ATRNL1: variants seen among roughly 807,000 people sequenced by gnomAD.
ATRNL1 encodes attractin like 1.
A neutral mutation model predicts 182.7 loss-of-function variants in ATRNL1; 95 were observed. That is an observed-to-expected ratio of 0.52 (90% CI 0.44 to 0.62). The LOEUF (loss-of-function observed/expected upper bound fraction) is 0.62. ATRNL1 is among the 20% of genes least tolerant of loss of function. ATRNL1 has a pLI of 0.00. For missense variants in ATRNL1, 1,471 were observed against 1,679.5 expected (o/e 0.88, Z 2.17); for synonymous variants, 576 against 568.3 (o/e 1.01, Z -0.19).
intron 19 of ATRNL1, among the ~76,000 whole-genome samples, chr10:115,349,716 T>G (rs1554940689): frequency 6.6e-6 from 1 of 152,158 alleles, no homozygotes; most frequent in Non-Finnish European, 1.5e-5. Context: ...TGTTGAACAT[T>G]TTTTCATAAA....
chr10:115,719,853 C>CA (rs1368587810), intron 26 of ATRNL1, among the ~76,000 whole-genome samples: 27 of 146,062 alleles, frequency 1.8e-4, no homozygotes, highest in Non-Finnish European at 3.0e-4. Flanking sequence ...TCCACCCCCC[C>CA]ACACACTCTT....
rs575804227 is a variant in ATRNL1 at position 115,817,228 on chromosome 10, A to G, written c.3904-30649A>G. Among the ~76,000 whole-genome samples the G allele has an allele frequency of 9.2e-5, 14 of 152,176 alleles. No individual in the cohort carries two copies. In the South Asian group the frequency reaches 2.9e-3, roughly 32 times the overall value. ...TGGTCGGATTTGAATGACCAAGAACATAGGTTTTCCTTGATTCTTTGAATT... is the reference window on the plus strand; with the variant it reads ...TGGTCGGATTTGAATGACCAAGAACGTAGGTTTTCCTTGATTCTTTGAATT... On this transcript the variant is annotated intron_variant, in intron 27 of 28. Transcript: ENST00000355044.
At chr10:115,284,476 C>T (rs557390367) in intron 14 of ATRNL1, among the ~76,000 whole-genome samples, 1 of 152,230 alleles carries the variant, frequency 6.6e-6, no homozygotes, top group East Asian at 1.9e-4. Context: ...AACTGAAAAC[C>T]AGGGCATGCT....
intron 25 of ATRNL1, among the ~76,000 whole-genome samples, chr10:115,528,034 CTTT>C (rs1851345260): frequency 9.4e-5 from 5 of 53,080 alleles, no homozygotes; most frequent in African/African-American, 3.1e-4. Context: ...TCCCTCCTTC[CTTT>C]CTTCCTTCCT....
At chr10:115,215,367 C>G (rs537928130) in intron 8 of ATRNL1, among the ~76,000 whole-genome samples, 30 of 152,130 alleles carry the variant, frequency 2.0e-4, no homozygotes, top group African/African-American at 7.2e-4. Flanking sequence ...ATAGTAGGCT[C>G]TCAAAATATT....
In ATRNL1 at chr10:115,947,604, T is replaced by C. The variant is rs1038946457; in HGVS notation, c.*2825T>C. On this transcript the variant is annotated 3_prime_UTR_variant, in exon 29 of 29. Coordinates refer to ENST00000355044, the MANE Select transcript of ATRNL1 (RefSeq NM_207303.4). ...AATTTGTTTTAGTGATACACAGAGA[T>C]GCCGTATACTATAGTGTTATGTTCA... is the stretch of plus-strand genomic sequence containing the variant. 3.3e-5 allele frequency: 5 copies of C among 152,656 alleles called. No individual in the cohort carries two copies. Among genetic ancestry groups the C allele is most frequent in the Non-Finnish European group, 5.9e-5 (4 of 68,038 alleles). The allele number at this position is 152,656 out of a possible 1,614,324, so 9.5% of individuals were successfully genotyped here.
At chr10:115,465,591 A>G (rs1449925408) in intron 22 of ATRNL1, among the ~76,000 whole-genome samples, 1 of 130,594 alleles carries the variant, frequency 7.7e-6, no homozygotes, top group Non-Finnish European at 1.8e-5. Flanking sequence ...AGAATTCAGT[A>G]TTAATTGATA....
intron 26 of ATRNL1, among the ~76,000 whole-genome samples, chr10:115,683,555 T>TG (rs1224482382): frequency 7.1e-6 from 1 of 140,878 alleles, no homozygotes; most frequent in South Asian, 2.2e-4. Context: ...AGCGTTTTTT[T>TG]TTTTTTTTTG....
At chr10:115,776,347 A>C (rs1343225694) in intron 27 of ATRNL1, among the ~76,000 whole-genome samples, 1 of 152,162 alleles carries the variant, frequency 6.6e-6, no homozygotes, top group African/African-American at 2.4e-5. Context: ...GAAGAATGTG[A>C]CCTGATGAAG....
At chr10:115,522,326 C>A (rs973322648) in intron 25 of ATRNL1, among the ~76,000 whole-genome samples, 1 of 152,010 alleles carries the variant, frequency 6.6e-6, no homozygotes, top group Non-Finnish European at 1.5e-5. Flanking sequence ...GAAGAGGAAG[C>A]GGAGCTGGCA....
At chr10:115,146,213 A>G (rs190961450) in intron 5 of ATRNL1, among the ~76,000 whole-genome samples, 124 of 152,270 alleles carry the variant, frequency 8.1e-4, no homozygotes, top group Non-Finnish European at 7.5e-4. Context: ...CTTCAACATT[A>G]AAATGAATGC....
intron 28 of ATRNL1, among the ~76,000 whole-genome samples, chr10:115,932,305 C>T (rs1015598374): frequency 1.6e-4 from 24 of 152,200 alleles, no homozygotes; most frequent in African/African-American, 5.3e-4. Flanking sequence ...ACTTAGCAAA[C>T]ATCAGAGGAA....
chr10:115,168,991 T>G (rs1307950479), intron 7 of ATRNL1, among the ~76,000 whole-genome samples: 1 of 150,994 alleles, frequency 6.6e-6, no homozygotes. Flanking sequence ...AAGTTTTGTA[T>G]ATAGTATGCA....
rs1554979950 is a variant in ATRNL1, at chr10:115,500,878, C to T, written c.3655-18385C>T. Among the ~76,000 whole-genome samples the T allele has an allele frequency of 2.4e-5, 3 of 124,282 alleles. No individual in the cohort carries two copies. The Middle Eastern group carries it at 0.016, about 675-fold the overall frequency. 81.5% of individuals were successfully genotyped at this position (124,282 alleles called of 152,430 possible). On this transcript the variant is annotated intron_variant, in intron 24 of 28. Transcript: ENST00000355044. ...TTTTTTATGTAGGCTTTTAAATTGGCTTTGATGGAACTTTGTTTCATAGCA... is the reference window on the plus strand; with the variant it reads ...TTTTTTATGTAGGCTTTTAAATTGGTTTTGATGGAACTTTGTTTCATAGCA...
At chr10:115,321,484 T>G (rs1854581538) in intron 18 of ATRNL1, among the ~76,000 whole-genome samples, 1 of 152,164 alleles carries the variant, frequency 6.6e-6, no homozygotes, top group Non-Finnish European at 1.5e-5. Flanking sequence ...ATTTGAGTCC[T>G]TTCTCTTTCT....
intron 28 of ATRNL1, among the ~76,000 whole-genome samples, chr10:115,858,509 G>A (rs1265178771): frequency 6.6e-6 from 1 of 152,166 alleles, no homozygotes; most frequent in Non-Finnish European, 1.5e-5. Flanking sequence ...TGGAAATAGT[G>A]AGGGGAACAA....
At chr10:115,306,416 C>A (rs1252074630) in intron 17 of ATRNL1, among the ~76,000 whole-genome samples, 4 of 152,062 alleles carry the variant, frequency 2.6e-5, no homozygotes, top group African/African-American at 4.8e-5. Context: ...TTTTTATCCC[C>A]CCTTTGGGAG....
intron 8 of ATRNL1, among the ~76,000 whole-genome samples, chr10:115,200,300 A>G (rs1239440197): frequency 6.7e-6 from 1 of 148,760 alleles, no homozygotes; most frequent in Non-Finnish European, 1.5e-5. Flanking sequence ...ATATGTATAC[A>G]TGTGCCATGC....
At chr10:115,329,937 T>C (rs1554934534) in intron 18 of ATRNL1, among the ~76,000 whole-genome samples, 4 of 152,164 alleles carry the variant, frequency 2.6e-5, no homozygotes. Flanking sequence ...TCTAGTTGTT[T>C]TGTAGAACAT....
Sources: gnomAD v4.1 joint callset for allele counts (sites outside exome capture counted in the v4.1 genomes callset) on GRCh38, gnomAD v4.1.1 for gene constraint, MANE v1.5 for transcripts, NCBI Gene and HGNC (gene_info 2026-07-23, HGNC 2026-07-21) for gene names.